The following UBE2U variants were observed in gnomAD, a reference collection of about 807,000 sequenced individuals.
The protein encoded by UBE2U is ubiquitin-conjugating enzyme E2 U.
In UBE2U, 39 loss-of-function variants were observed where a neutral mutation model predicts 41.2. The observed-to-expected ratio is 0.95, with a 90% CI of 0.73 to 1.24. The LOEUF is 1.24. UBE2U is among the 50% of genes most tolerant of loss of function. UBE2U has a pLI of 0.00. For synonymous variants in UBE2U, 107 were observed against 117.8 expected (o/e 0.91, Z 0.60); for missense variants, 336 against 363.1 (o/e 0.93, Z 0.61).
At chr1:64,240,362 T>A (rs894327770) in intron 7 of UBE2U, among the ~76,000 whole-genome samples, 9 of 152,198 alleles carry the variant, frequency 5.9e-5, no homozygotes, top group Non-Finnish European at 5.9e-5. Context: ...GAGGCTTCCC[T>A]GTGAGCTATT....
chr1:64,252,747 C>T (rs779810763), intron 8 of UBE2U, among the ~76,000 whole-genome samples: 10 of 152,114 alleles, frequency 6.6e-5, no homozygotes, highest in African/African-American at 1.4e-4. Flanking sequence ...CCACAAAAAC[C>T]TCATTCAAAG....
At chr1:64,249,305 G>A (rs1006594848) in intron 8 of UBE2U, among the ~76,000 whole-genome samples, 6 of 150,902 alleles carry the variant, frequency 4.0e-5, no homozygotes, top group African/African-American at 1.5e-4. Flanking sequence ...TTGAACCTGG[G>A]AGGCGGAGGT....
intron 8 of UBE2U, among the ~76,000 whole-genome samples, chr1:64,245,286 T>C (rs1644902469): frequency 6.6e-6 from 1 of 152,212 alleles, no homozygotes; most frequent in South Asian, 2.1e-4. Flanking sequence ...CAGTAGTTTG[T>C]ATTTAAGTTC....
At chr1:64,205,539 T>C (rs1372977203) in intron 1 of UBE2U, 100 bp from the exon 2 acceptor site, 1 of 929,032 alleles carries the variant, frequency 1.1e-6, no homozygotes, top group African/African-American at 1.7e-5. Flanking sequence ...AAAGAAAATT[T>C]AGAGTTTTTA....
At chr1:64,235,062 TAAG>T (rs1644640007) in intron 7 of UBE2U, among the ~76,000 whole-genome samples, 1 of 152,106 alleles carries the variant, frequency 6.6e-6, no homozygotes, top group Non-Finnish European at 1.5e-5. Context: ...TGCCAAAACT[TAAG>T]GAGATTTGGG....
intron 8 of UBE2U, among the ~76,000 whole-genome samples, chr1:64,247,186 T>C (rs1644935104): frequency 6.6e-6 from 1 of 151,492 alleles, no homozygotes; most frequent in Non-Finnish European, 1.5e-5. Flanking sequence ...GTATTCTTTA[T>C]TGGTTCCCTC....
chr1:64,217,343 A>G (rs1203461311), intron 5 of UBE2U, among the ~76,000 whole-genome samples: 1 of 152,182 alleles, frequency 6.6e-6, no homozygotes, highest in Non-Finnish European at 1.5e-5. Flanking sequence ...TAGTTTATGA[A>G]AACTCAGAGG....
At chr1:64,209,774 A>G (rs1651554098) in intron 3 of UBE2U, among the ~76,000 whole-genome samples, 1 of 151,994 alleles carries the variant, frequency 6.6e-6, no homozygotes. Context: ...CTCCTACCAA[A>G]AAGTACATAT....
chr1:64,228,393 A>G (rs1653025891), intron 6 of UBE2U, among the ~76,000 whole-genome samples: 1 of 152,154 alleles, frequency 6.6e-6, no homozygotes, highest in Admixed American at 6.5e-5. Flanking sequence ...CATAAGCAAA[A>G]TATTTTTACT....
intron 8 of UBE2U, among the ~76,000 whole-genome samples, chr1:64,257,162 G>T (rs1201464760): frequency 1.3e-5 from 2 of 152,178 alleles, no homozygotes; most frequent in African/African-American, 4.8e-5. Flanking sequence ...CACTGTTGGT[G>T]GGTGTGTAAA....
intron 8 of UBE2U, chr1:64,244,348 A>G: frequency 2.5e-6 from 2 of 785,510 alleles, no homozygotes; most frequent in Admixed American, 5.3e-5. Flanking sequence ...AAATGTGTAT[A>G]TTATATATCT....
chr1:64,257,294 A>C (rs1411917467), intron 8 of UBE2U, among the ~76,000 whole-genome samples: 2 of 152,212 alleles, frequency 1.3e-5, no homozygotes, highest in African/African-American at 4.8e-5. Flanking sequence ...TCATTCTGTT[A>C]TAAGGACACA....
At chr1:64,207,689 T>C (rs1440408479) in intron 3 of UBE2U, among the ~76,000 whole-genome samples, 2 of 152,194 alleles carry the variant, frequency 1.3e-5, no homozygotes, top group Non-Finnish European at 2.9e-5. Context: ...ATCAAAAATC[T>C]AAAAATTTTA....
intron 8 of UBE2U, among the ~76,000 whole-genome samples, chr1:64,245,499 G>A (rs1001579839): frequency 1.3e-5 from 2 of 152,146 alleles, no homozygotes; most frequent in Admixed American, 6.6e-5. Flanking sequence ...TCCTGGTGGT[G>A]GTTTACATTC....
At chr1:64,253,059 G>A (rs1645036561) in intron 8 of UBE2U, among the ~76,000 whole-genome samples, 1 of 152,010 alleles carries the variant, frequency 6.6e-6, no homozygotes. Flanking sequence ...CCAGTTTAGA[G>A]AGGAACATAA....
chr1:64,255,277 G>A (rs1041317053), intron 8 of UBE2U, among the ~76,000 whole-genome samples: 4 of 151,642 alleles, frequency 2.6e-5, no homozygotes, highest in East Asian at 1.9e-4. Flanking sequence ...GGCAATAATA[G>A]CCTACCAACC....
At chr1:64,252,825 T>C (rs936586359) in intron 8 of UBE2U, among the ~76,000 whole-genome samples, 1 of 152,226 alleles carries the variant, frequency 6.6e-6, no homozygotes, top group South Asian at 2.1e-4. Context: ...ACAAAAATGC[T>C]GAAAACTCAA....
intron 6 of UBE2U, among the ~76,000 whole-genome samples, chr1:64,224,458 C>G (rs568510489): frequency 1.3e-5 from 2 of 152,306 alleles, no homozygotes; most frequent in South Asian, 4.1e-4. Flanking sequence ...TGCAGTGGCT[C>G]TTGCCTGTAA....
rs1179473063 is a variant in UBE2U, at chr1:64,239,192, A to AG, written c.596-2460_596-2459insG. The stretch of plus-strand genomic sequence containing the variant: ...AAGAAGAAGAAGAAGAAGAAGAAGA[A>AG]AGCCCCAGACAAGGACAAGACTGGT... On this transcript the variant is annotated intron_variant, in intron 7 of 9. Transcript: ENST00000371077. 2.8e-4 allele frequency among the ~76,000 whole-genome samples: 41 copies of AG among 147,878 alleles called. 1 individual carries two copies. The South Asian group carries it at 4.8e-3, about 17-fold the overall frequency.
Sources: gnomAD v4.1 joint callset for allele counts (sites outside exome capture counted in the v4.1 genomes callset) on GRCh38, gnomAD v4.1.1 for gene constraint, MANE v1.5 for transcripts, NCBI Gene and HGNC (gene_info 2026-07-23, HGNC 2026-07-21) for gene names.